The following HDAC4 variants were observed in gnomAD, a reference collection of about 807,000 sequenced individuals.
HDAC4 encodes histone deacetylase 4, also known as histone deacetylase A.
In HDAC4, 16 loss-of-function variants were observed where a neutral mutation model predicts 135.1. The ratio of observed to expected loss-of-function variants is 0.12; its 90% confidence interval spans 0.08 to 0.18. HDAC4 has a LOEUF of 0.18. Ranked by LOEUF, HDAC4 falls within the 10% of genes least tolerant of loss-of-function variation. The pLI, the probability that HDAC4 is intolerant of heterozygous loss-of-function variation, is 1.00. For missense variants in HDAC4, 1,143 were observed against 1,511.8 expected (o/e 0.76, Z 4.05); for synonymous variants, 685 against 653.4 (o/e 1.05, Z -0.74).
chr2:239,194,324 A>G (rs557333197), intron 3 of HDAC4, among the ~76,000 whole-genome samples: 112 of 152,340 alleles, frequency 7.4e-4, no homozygotes, highest in African/African-American at 2.6e-3. Flanking sequence ...GGAGATTTGT[A>G]CAAGTTCTGC....
At chr2:239,371,556 C>T (rs188990126) in intron 1 of HDAC4, among the ~76,000 whole-genome samples, 1 of 152,280 alleles carries the variant, frequency 6.6e-6, no homozygotes, top group Admixed American at 6.5e-5. Context: ...CAAACATGCA[C>T]TCATGCTCAC....
chr2:239,272,564 C>T (rs1347639432), intron 2 of HDAC4, among the ~76,000 whole-genome samples: 2 of 152,244 alleles, frequency 1.3e-5, no homozygotes, highest in Non-Finnish European at 2.9e-5. Flanking sequence ...AGATGACTGT[C>T]ATCACTAGTT....
At chr2:239,329,862 T>A (rs1691446225) in intron 2 of HDAC4, among the ~76,000 whole-genome samples, 1 of 151,858 alleles carries the variant, frequency 6.6e-6, no homozygotes, top group Admixed American at 6.6e-5. Flanking sequence ...AGGAGCCCCA[T>A]GTCTCAGAGA....
At chr2:239,334,542 A>C (rs1375274665) in intron 2 of HDAC4, among the ~76,000 whole-genome samples, 10 of 151,998 alleles carry the variant, frequency 6.6e-5, no homozygotes, top group East Asian at 1.9e-4. Context: ...ATAAAAAAAA[A>C]CTAAGACCTC....
chr2:239,205,608 C>T (rs2045995817), intron 3 of HDAC4, among the ~76,000 whole-genome samples: 2 of 151,332 alleles, frequency 1.3e-5, no homozygotes, highest in Admixed American at 1.3e-4. Flanking sequence ...AAAAGGTGAG[C>T]AAAGAACTGG....
chr2:239,240,248 C>T lies in HDAC4; in HGVS notation c.23-3584G>A, dbSNP rs1419191959. Among the ~76,000 whole-genome samples the T allele has an allele frequency of 6.6e-6, 1 of 152,194 alleles. No homozygotes were observed. Among genetic ancestry groups the T allele is most frequent in the African/African-American group, 2.4e-5 (1 of 41,440 alleles). On this transcript the variant is annotated intron_variant, in intron 2 of 26. Coordinates refer to ENST00000543185, the MANE Select transcript of HDAC4 (RefSeq NM_001378414.1). The surrounding 1 kb of genome is among the most constrained non-coding windows in gnomAD (Gnocchi z 4.5). ...TGGAACGGACCTAAACAAAGCGTGG[C>T]CAGTGGGGCAAAGAACGTCTGTCAC...
chr2:239,179,854 G>A (rs552875945), intron 4 of HDAC4, among the ~76,000 whole-genome samples: 1 of 152,376 alleles, frequency 6.6e-6, no homozygotes, highest in South Asian at 2.1e-4. Flanking sequence ...CTGCTACAGG[G>A]CTCGCTGCTC....
At chr2:239,230,104 C>A (rs372682338) in intron 3 of HDAC4, among the ~76,000 whole-genome samples, 1 of 152,014 alleles carries the variant, frequency 6.6e-6, no homozygotes, top group African/African-American at 2.4e-5. Context: ...GTCGTGAGAT[C>A]GCTGTTTTGA....
At chr2:239,379,768 C>T (rs1177411231) in intron 1 of HDAC4, among the ~76,000 whole-genome samples, 2 of 152,248 alleles carry the variant, frequency 1.3e-5, no homozygotes, top group Non-Finnish European at 2.9e-5. Flanking sequence ...CTTGCTCATC[C>T]TCTCCACTGG....
At chr2:239,348,112 T>C (rs200503061) in intron 2 of HDAC4, among the ~76,000 whole-genome samples, 2 of 134,504 alleles carry the variant, frequency 1.5e-5, no homozygotes, top group African/African-American at 2.8e-5. Flanking sequence ...ATCGAGAGCA[T>C]CATCCCGGTG....
chr2:239,236,429 G>C (rs2047889758), intron 3 of HDAC4, among the ~76,000 whole-genome samples, 164 bp downstream of exon 3: 1 of 152,168 alleles, frequency 6.6e-6, no homozygotes, highest in South Asian at 2.1e-4. Context: ...TTCCAAAAAG[G>C]ATGGCCTCTT....
rs187006715 is a variant in HDAC4 at position 239,219,475 on chromosome 2, G to T, written c.94+17118C>A. On this transcript the variant is annotated intron_variant, in intron 3 of 26. Transcript: ENST00000543185. ...CACACACCGGGGACTGTTGTGGGGTGGGGGGAGGAGGGAGGGATAGCATTA... is the reference window on the plus strand; with the variant it reads ...CACACACCGGGGACTGTTGTGGGGTTGGGGGAGGAGGGAGGGATAGCATTA... 9.6e-3 allele frequency among the ~76,000 whole-genome samples: 1,465 copies of T among 151,850 alleles called. 15 individuals are homozygous for T. Among genetic ancestry groups the T allele is most frequent in the South Asian group, 0.026 (124 of 4,780 alleles).
At chr2:239,102,480 G>A (rs1448597579) in intron 16 of HDAC4, 14 of 413,744 alleles carry the variant, frequency 3.4e-5, no homozygotes, top group Middle Eastern at 7.5e-4. Flanking sequence ...AGGGCAGGGC[G>A]GGCAGCATGC....
intron 3 of HDAC4, among the ~76,000 whole-genome samples, chr2:239,234,616 C>T (rs59539170): frequency 0.028 from 4,204 of 152,260 alleles, 153 homozygotes; most frequent in African/African-American, 0.08. Context: ...TGTAGAGAGG[C>T]ATTATCATCC....
chr2:239,266,528 C>T (rs1270468793), intron 2 of HDAC4, among the ~76,000 whole-genome samples: 1 of 152,212 alleles, frequency 6.6e-6, no homozygotes, highest in Non-Finnish European at 1.5e-5. Flanking sequence ...AATTACATAC[C>T]AGCTGTCCCG....
At chr2:239,222,406 T>C (rs1035312915) in intron 3 of HDAC4, among the ~76,000 whole-genome samples, 1 of 152,184 alleles carries the variant, frequency 6.6e-6, no homozygotes, top group African/African-American at 2.4e-5. Context: ...CTTTTGGAAA[T>C]ATTTGCAAGC....
intron 25 of HDAC4, 95 bp from the exon 26 acceptor site, chr2:239,053,696 C>T: frequency 1.0e-6 from 1 of 997,144 alleles, no homozygotes; most frequent in Non-Finnish European, 1.5e-6. Flanking sequence ...GAGCCTCAAA[C>T]CAGATTGATC....
At chr2:239,100,624 C>T (rs897774167) in intron 16 of HDAC4, among the ~76,000 whole-genome samples, 8 of 152,166 alleles carry the variant, frequency 5.3e-5, no homozygotes, top group East Asian at 1.9e-4. Flanking sequence ...GAAGTGCCAA[C>T]GGCTGGGTGG....
chr2:239,090,293 AG>A (rs2152722621), intron 17 of HDAC4, among the ~76,000 whole-genome samples, 177 bp from the exon 18 acceptor site: 1 of 152,354 alleles, frequency 6.6e-6, no homozygotes, highest in South Asian at 2.1e-4. Flanking sequence ...CATGCCAAAA[AG>A]TTTAAACAGG....
Sources: gnomAD v4.1 joint callset for allele counts (sites outside exome capture counted in the v4.1 genomes callset) on GRCh38, gnomAD v4.1.1 for gene constraint, Gnocchi (gnomAD v3.1) non-coding constraint, MANE v1.5 for transcripts, NCBI Gene and HGNC (gene_info 2026-07-23, HGNC 2026-07-21) for gene names.